The following SNX29 variants were observed in gnomAD, a reference collection of about 807,000 sequenced individuals.
The protein encoded by SNX29 is sorting nexin 29.
Under a neutral mutation model 102.1 loss-of-function variants are expected in SNX29, and 78 were observed. The ratio of observed to expected loss-of-function variants is 0.76; its 90% CI spans 0.64 to 0.92. The LOEUF is 0.92. SNX29 is among the 40% of genes least tolerant of loss of function. SNX29 has a pLI of 0.00. For synonymous variants in SNX29, 580 were observed against 414.5 expected, an observed-to-expected ratio of 1.40 and a Z score of -4.85; for missense variants, 1,280 against 1,061.7, an observed-to-expected ratio of 1.21 and a Z score of -2.86.
intron 20 of SNX29, among the ~76,000 whole-genome samples, chr16:12,538,901 CCTGTT>C (rs79961559): frequency 0.18 from 26,720 of 151,878 alleles, 3,236 homozygotes; most frequent in East Asian, 0.34. Flanking sequence ...AGATTAATGA[CCTGTT>C]CTAAGTGGGA....
At chr16:12,269,553 ATGTAGATAAAAGC>A (rs2079030546) in intron 14 of SNX29, among the ~76,000 whole-genome samples, 1 of 152,200 alleles carries the variant, frequency 6.6e-6, no homozygotes, top group Admixed American at 6.5e-5. Flanking sequence ...GTATCCAGCC[ATGTAGATAAAAGC>A]TTCTGTCTTC....
intron 18 of SNX29, among the ~76,000 whole-genome samples, chr16:12,445,879 A>G (rs2086025212): frequency 6.6e-6 from 1 of 152,148 alleles, no homozygotes; most frequent in Admixed American, 6.5e-5. Flanking sequence ...AGGAAATCGA[A>G]CACCTGAGAG....
intron 20 of SNX29, among the ~76,000 whole-genome samples, chr16:12,567,683 G>A (rs1321014165): frequency 6.6e-6 from 1 of 152,152 alleles, no homozygotes; most frequent in South Asian, 2.1e-4. Flanking sequence ...GATCACTTGA[G>A]CCCAGGAGAT....
chr16:12,394,438 T>C (rs1338705963), intron 16 of SNX29, among the ~76,000 whole-genome samples: 1 of 152,238 alleles, frequency 6.6e-6, no homozygotes, highest in Non-Finnish European at 1.5e-5. Context: ...GGCAAGTTAC[T>C]TTTATGGATT....
chr16:12,201,635 C>T (rs143477015), intron 14 of SNX29, among the ~76,000 whole-genome samples: 2 of 152,298 alleles, frequency 1.3e-5, no homozygotes, highest in Non-Finnish European at 2.9e-5. Context: ...TACCTCTTTC[C>T]AGGACACTGC....
chr16:12,541,445 G>A (rs986858783), intron 20 of SNX29, among the ~76,000 whole-genome samples: 1 of 152,128 alleles, frequency 6.6e-6, no homozygotes, highest in African/African-American at 2.4e-5. Context: ...ATGTCTCAAA[G>A]GACCCACGCT....
intron 20 of SNX29, among the ~76,000 whole-genome samples, chr16:12,540,380 A>C (rs900310596): frequency 2.6e-5 from 4 of 152,180 alleles, no homozygotes; most frequent in African/African-American, 7.2e-5. Context: ...TTGTTGCCCT[A>C]CCAAATTGGC....
At chr16:12,337,182 C>T (rs1273889629) in intron 15 of SNX29, among the ~76,000 whole-genome samples, 1 of 152,146 alleles carries the variant, frequency 6.6e-6, no homozygotes, top group Non-Finnish European at 1.5e-5. Flanking sequence ...TGGGAGGCAG[C>T]AGTAGGTTTG....
At chr16:12,327,270 C>T (rs967863953) in intron 15 of SNX29, among the ~76,000 whole-genome samples, 2 of 152,152 alleles carry the variant, frequency 1.3e-5, no homozygotes, top group Admixed American at 6.5e-5. Context: ...TTCTGAGTGA[C>T]ATCAGCCTTT....
intron 14 of SNX29, among the ~76,000 whole-genome samples, chr16:12,220,791 A>G (rs2077455955): frequency 6.6e-6 from 1 of 152,180 alleles, no homozygotes; most frequent in Non-Finnish European, 1.5e-5. Flanking sequence ...CCGTCATTAG[A>G]TGCTGACAGT....
At chr16:12,544,282 A>T in intron 20 of SNX29, among the ~76,000 whole-genome samples, 1 of 152,198 alleles carries the variant, frequency 6.6e-6, no homozygotes, top group Non-Finnish European at 1.5e-5. Flanking sequence ...TTACACTCTC[A>T]GTACGGCATC....
At chr16:12,470,743 C>G (rs2087298568) in intron 18 of SNX29, among the ~76,000 whole-genome samples, 1 of 152,210 alleles carries the variant, frequency 6.6e-6, no homozygotes, top group Non-Finnish European at 1.5e-5. Context: ...TGGTAATTAC[C>G]TGCTTTAATT....
At chr16:11,988,877 A>C (rs1378585599) in intron 1 of SNX29, among the ~76,000 whole-genome samples, 3 of 152,230 alleles carry the variant, frequency 2.0e-5, no homozygotes, top group Non-Finnish European at 4.4e-5. Flanking sequence ...CTGCAATGGC[A>C]GAATTGAGTA....
intron 20 of SNX29, among the ~76,000 whole-genome samples, chr16:12,561,980 C>T (rs1378691546): frequency 6.6e-6 from 1 of 152,160 alleles, no homozygotes; most frequent in Non-Finnish European, 1.5e-5. Context: ...GAGTGTCTAC[C>T]AGCTTGGTGA....
At position 12,127,520 on chromosome 16, in the gene SNX29, C is replaced by G. The variant is rs187998421; in HGVS notation, c.1466+824C>G. On this transcript the variant is annotated intron_variant, in intron 12 of 20. Transcript: ENST00000566228. ...CACTGCAACCTCCACCTCCCGGGCT[C>G]AAGTGATCCTCCAGCGTCAGCCTTC... 2.8e-3 allele frequency among the ~76,000 whole-genome samples: 427 copies of G among 150,978 alleles called. 1 individual carries two copies. Among genetic ancestry groups the G allele is most frequent in the African/African-American group, 9.8e-3 (403 of 41,132 alleles).
At chr16:12,516,634 G>A (rs2089878805) in intron 19 of SNX29, among the ~76,000 whole-genome samples, 1 of 152,110 alleles carries the variant, frequency 6.6e-6, no homozygotes, top group Admixed American at 6.5e-5. Context: ...CTCTTAAGGG[G>A]GCTGAGCTGC....
At chr16:12,127,845 C>G (rs894022031) in intron 12 of SNX29, among the ~76,000 whole-genome samples, 9 of 152,162 alleles carry the variant, frequency 5.9e-5, no homozygotes, top group Admixed American at 2.0e-4. Context: ...AATTCTGGCT[C>G]CCATCTGACT....
chr16:12,158,028 G>A (rs1432774668), intron 13 of SNX29, among the ~76,000 whole-genome samples: 1 of 151,530 alleles, frequency 6.6e-6, no homozygotes, highest in African/African-American at 2.4e-5. Context: ...GTTCTCAGGT[G>A]CTAGGTACAG....
intron 3 of SNX29, among the ~76,000 whole-genome samples, chr16:12,003,468 G>C (rs537538739): frequency 1.3e-5 from 2 of 152,232 alleles, no homozygotes; most frequent in African/African-American, 2.4e-5. Flanking sequence ...GTTTTCAACA[G>C]AAAAATGCAT....
Sources: gnomAD v4.1 joint callset for allele counts (sites outside exome capture counted in the v4.1 genomes callset) on GRCh38, gnomAD v4.1.1 for gene constraint, MANE v1.5 for transcripts, NCBI Gene and HGNC (gene_info 2026-07-23, HGNC 2026-07-21) for gene names.